Variants in EGLN1 observed in about 807,000 individuals in gnomAD.
The protein encoded by EGLN1 is egl nine homolog 1.
A neutral mutation model predicts 38.3 loss-of-function variants in EGLN1; 17 were observed. The observed-to-expected ratio is 0.44, with a 90% confidence interval of 0.30 to 0.67. The LOEUF is 0.67. Among genes scored for constraint, EGLN1 ranks in the 30% least tolerant of loss-of-function variants. The pLI is 0.08. For missense variants in EGLN1, 477 were observed against 603.3 expected (o/e 0.79, Z 2.19); for synonymous variants, 283 against 257.5 (o/e 1.10, Z -0.95).
intron 1 of EGLN1, among the ~76,000 whole-genome samples, chr1:231,388,485 C>T (rs536686988): frequency 6.6e-6 from 1 of 152,046 alleles, no homozygotes; most frequent in African/African-American, 2.4e-5. Flanking sequence ...CTGTCTCGCT[C>T]TCTGTCTGTC....
chr1:231,411,857 G>A (rs1367715376), intron 1 of EGLN1, among the ~76,000 whole-genome samples: 1 of 151,464 alleles, frequency 6.6e-6, no homozygotes, highest in Non-Finnish European at 1.5e-5. Flanking sequence ...AAATTAGCCA[G>A]GTGTGGTGGT....
chr1:231,403,690 C>T (rs974019707), intron 1 of EGLN1, among the ~76,000 whole-genome samples: 6 of 145,008 alleles, frequency 4.1e-5, no homozygotes, highest in African/African-American at 1.6e-4. Context: ...GCAGGAGAAT[C>T]GCTTGAACCT....
intron 1 of EGLN1, among the ~76,000 whole-genome samples, chr1:231,383,435 G>A (rs192028865): frequency 6.6e-6 from 1 of 152,174 alleles, no homozygotes; most frequent in Non-Finnish European, 1.5e-5. Flanking sequence ...AAAGTACCCA[G>A]ACAGCAAAGA....
intron 1 of EGLN1, among the ~76,000 whole-genome samples, chr1:231,381,242 C>A (rs1050809793): frequency 6.6e-6 from 1 of 152,038 alleles, no homozygotes; most frequent in East Asian, 1.9e-4. Context: ...GGTTGTTAAC[C>A]GCTGTCATAT....
chr1:231,422,025 A>C lies in EGLN1; in HGVS notation c.-137T>G. 1.0e-6 allele frequency: 1 copy of C among 989,040 alleles called. No individual in the cohort carries two copies. 61.3% of individuals were successfully genotyped at this position (989,040 alleles called of 1,614,324 possible). ...GCCATGCACCCGCTACCCTCGCCTC[A>C]GGGAGGCCGGCACCCCACGCCCTCG... On this transcript the variant is annotated 5_prime_UTR_variant, in exon 1 of 5. Transcript: ENST00000366641.
Position 231,364,717 on chromosome 1 carries a change from T to A in EGLN1, c.*1694A>T, listed in dbSNP as rs1007800761. 5 of 152,186 alleles carry A rather than the reference T, an allele frequency of 3.3e-5. No homozygotes were observed. The highest frequency in any genetic ancestry group is 1.2e-4 in the African/African-American group (5 of 41,438). 9.4% of individuals were successfully genotyped at this position (152,186 alleles called of 1,614,324 possible). A position where few individuals can be genotyped will look rare whatever the true frequency, so the allele number is the denominator to read the frequency against. ...ATACAAACTATACAGATGCTAAAAA[T>A]GTCTTAAGTTGAAATATACAGAAAA... On this transcript the variant is annotated 3_prime_UTR_variant, in exon 5 of 5. Coordinates refer to ENST00000366641, the MANE Select transcript of EGLN1 (RefSeq NM_022051.3).
At chr1:231,395,558 T>A (rs1688501683) in intron 1 of EGLN1, among the ~76,000 whole-genome samples, 1 of 152,226 alleles carries the variant, frequency 6.6e-6, no homozygotes, top group South Asian at 2.1e-4. Flanking sequence ...TTGCTTTTTA[T>A]CAGAGCAAGC....
chr1:231,393,071 C>CTCCA (rs139755617), intron 1 of EGLN1, among the ~76,000 whole-genome samples: 1 of 152,344 alleles, frequency 6.6e-6, no homozygotes, highest in East Asian at 1.9e-4. Context: ...AGCTCTCTTT[C>CTCCA]TGTATGTATC....
rs743120 is a variant in EGLN1 at position 231,395,486 on chromosome 1, C to G, written c.892-21387G>C. On this transcript the variant is annotated intron_variant, in intron 1 of 4. Coordinates refer to ENST00000366641, the MANE Select transcript of EGLN1 (RefSeq NM_022051.3). ...TTGGGCACTGCATACTTTTCAAACT[C>G]TGGACTCAGATTGAACACTGACAGC... Among the ~76,000 whole-genome samples, 3 of 152,022 alleles carry G rather than the reference C, an allele frequency of 2.0e-5. No individual in the cohort carries two copies. The East Asian group carries it at 5.8e-4, about 29-fold the overall frequency.
At chr1:231,402,437 CTTT>C (rs1392880050) in intron 1 of EGLN1, among the ~76,000 whole-genome samples, 1 of 140,434 alleles carries the variant, frequency 7.1e-6, no homozygotes, top group Non-Finnish European at 1.6e-5. Flanking sequence ...TTAGGTCTTA[CTTT>C]TTTTTTTTTT....
rs1343023321 is a variant in EGLN1, at chr1:231,364,993, A to C, written c.*1418T>G. The C allele has an allele frequency of 3.3e-5, 5 of 152,242 alleles. No individual in the cohort carries two copies. The highest frequency in any genetic ancestry group is 3.3e-4 in the Admixed American group (5 of 15,290). The allele number at this position is 152,242 out of a possible 1,614,324, so 9.4% of individuals were successfully genotyped here. ...AGTAAATAAGAAAACCCATGAAACAAAATAAAATTATCTGATTTTGCATCT... is the reference window on the plus strand; with the variant it reads ...AGTAAATAAGAAAACCCATGAAACACAATAAAATTATCTGATTTTGCATCT... On this transcript the variant is annotated 3_prime_UTR_variant, in exon 5 of 5. Coordinates refer to ENST00000366641, the MANE Select transcript of EGLN1 (RefSeq NM_022051.3).
intron 1 of EGLN1, among the ~76,000 whole-genome samples, chr1:231,405,917 AT>A (rs1250767099): frequency 6.6e-6 from 1 of 151,798 alleles, no homozygotes; most frequent in Non-Finnish European, 1.5e-5. Flanking sequence ...TATAGAAACT[AT>A]TTTAATATAA....
chr1:231,421,023 C>A lies in EGLN1; in HGVS notation c.866G>T (p.Ser289Ile). 1 of 1,614,058 alleles carries A rather than the reference C, an allele frequency of 6.2e-7. No individual in the cohort carries two copies. The highest frequency in any genetic ancestry group is 2.2e-5 in the East Asian group (1 of 44,850). ...LIRHCNGKLG[S>I]YKINGRTKAM... is the part of the protein sequence containing the mutation. Reference sequence around the variant, plus strand: ...TTTCGTCCGGCCATTGATTTTGTAGCTGCCCAGCTTCCCGTTACAGTGGCG... The same window carrying A: ...TTTCGTCCGGCCATTGATTTTGTAGATGCCCAGCTTCCCGTTACAGTGGCG... Residue 289 changes from serine to isoleucine, a missense_variant, in exon 1 of 5, where the codon AGC becomes ATC. By Grantham distance (142) the Ser-to-Ile change is moderately radical. This residue lies in a region of EGLN1 where 119 missense variants were observed against 179.0 expected (regional missense o/e 0.66). Coordinates refer to ENST00000366641, the MANE Select transcript of EGLN1 (RefSeq NM_022051.3). The surrounding 1 kb of genome is among the most constrained non-coding windows in gnomAD (Gnocchi z 5.5).
intron 1 of EGLN1, among the ~76,000 whole-genome samples, chr1:231,417,518 A>G (rs1383938246): frequency 6.6e-6 from 1 of 152,152 alleles, no homozygotes; most frequent in Non-Finnish European, 1.5e-5. Context: ...TACTCTTCAC[A>G]AAACAGCAGA....
At chr1:231,387,773 C>A (rs1472666604) in intron 1 of EGLN1, among the ~76,000 whole-genome samples, 2 of 152,176 alleles carry the variant, frequency 1.3e-5, no homozygotes, top group African/African-American at 2.4e-5. Flanking sequence ...ATCCTTACAT[C>A]CCATCAATAT....
At chr1:231,394,380 T>TC (rs1376104362) in intron 1 of EGLN1, among the ~76,000 whole-genome samples, 39 of 107,816 alleles carry the variant, frequency 3.6e-4, no homozygotes, top group African/African-American at 1.0e-3. Context: ...GTCCCAATTT[T>TC]CCTTTTTTTT....
intron 1 of EGLN1, among the ~76,000 whole-genome samples, chr1:231,415,682 A>G (rs551080775): frequency 6.6e-6 from 1 of 152,166 alleles, no homozygotes; most frequent in African/African-American, 2.4e-5. Flanking sequence ...TTATATGTTC[A>G]CCTCACAACA....
intron 1 of EGLN1, among the ~76,000 whole-genome samples, chr1:231,381,458 T>C (rs1489614252): frequency 6.6e-6 from 1 of 152,162 alleles, no homozygotes; most frequent in South Asian, 2.1e-4. Flanking sequence ...GAAATAGCAT[T>C]GATCCAAATC....
chr1:231,373,928 T>C, intron 2 of EGLN1, 52 bp downstream of exon 2: 1 of 1,604,260 alleles, frequency 6.2e-7, no homozygotes, highest in Non-Finnish European at 8.5e-7. Context: ...TTAATGCTTT[T>C]GAGAAAAAGA....
Sources: gnomAD v4.1 joint callset for allele counts (sites outside exome capture counted in the v4.1 genomes callset) on GRCh38, gnomAD v4.1.1 for gene constraint, gnomAD v4.1.1 regional missense constraint, Gnocchi (gnomAD v3.1) non-coding constraint, MANE v1.5 for transcripts, NCBI Gene and HGNC (gene_info 2026-07-23, HGNC 2026-07-21) for gene names.